Variants in PDE4D observed in about 807,000 individuals in gnomAD.
The protein encoded by PDE4D is 3',5'-cyclic-AMP phosphodiesterase 4D.
In PDE4D, 24 loss-of-function variants were observed where a neutral mutation model predicts 87.4. The ratio of observed to expected loss-of-function variants is 0.27; its 90% CI spans 0.20 to 0.39. PDE4D has a LOEUF of 0.39. Among genes scored for constraint, PDE4D ranks in the 10% least tolerant of loss-of-function variants. The pLI is 1.00. For missense variants in PDE4D, 714 were observed against 1,041.0 expected (o/e 0.69, Z 4.32); for synonymous variants, 384 against 383.2 (o/e 1.00, Z -0.02).
At chr5:60,033,393 T>C (rs919168787) in intron 2 of PDE4D, among the ~76,000 whole-genome samples, 2 of 152,132 alleles carry the variant, frequency 1.3e-5, no homozygotes, top group East Asian at 1.9e-4. Flanking sequence ...AAGACAATTG[T>C]TGATGGTTCA....
intron 1 of PDE4D, among the ~76,000 whole-genome samples, chr5:59,795,036 A>G (rs777133265): frequency 6.6e-6 from 1 of 152,176 alleles, no homozygotes; most frequent in African/African-American, 2.4e-5. Context: ...CCTCATCTGC[A>G]ATACCAGGAC....
chr5:59,948,506 C>T (rs1376974537), intron 3 of PDE4D, among the ~76,000 whole-genome samples: 1 of 152,112 alleles, frequency 6.6e-6, no homozygotes, highest in Non-Finnish European at 1.5e-5. Flanking sequence ...ATGATAATGG[C>T]TTGCTGTTCT....
intron 1 of PDE4D, among the ~76,000 whole-genome samples, chr5:59,219,173 A>T (rs138365025): frequency 6.7e-6 from 1 of 150,288 alleles, no homozygotes; most frequent in African/African-American, 2.5e-5. Flanking sequence ...GTGCACATGT[A>T]CCCTAAAACT....
intron 2 of PDE4D, among the ~76,000 whole-genome samples, chr5:60,183,545 T>G (rs1396997408): frequency 1.3e-5 from 2 of 152,182 alleles, no homozygotes; most frequent in South Asian, 2.1e-4. Context: ...AGGATGATCT[T>G]TTTTCTACCT....
chr5:59,400,500 G>A (rs1380540505), intron 1 of PDE4D, among the ~76,000 whole-genome samples: 12 of 142,930 alleles, frequency 8.4e-5, no homozygotes, highest in South Asian at 6.9e-4. Context: ...ACCAAACACC[G>A]CATATTCTCA....
At chr5:59,068,631 G>A (rs1271063157) in intron 5 of PDE4D, among the ~76,000 whole-genome samples, 2 of 152,142 alleles carry the variant, frequency 1.3e-5, no homozygotes, top group South Asian at 2.1e-4. Flanking sequence ...TCCTATTAAG[G>A]AATGAAGGCA....
At chr5:59,333,351 A>C (rs1338795745) in intron 1 of PDE4D, among the ~76,000 whole-genome samples, 1 of 152,014 alleles carries the variant, frequency 6.6e-6, no homozygotes. Context: ...GAGAAGGGGG[A>C]AGTTACATTA....
intron 5 of PDE4D, among the ~76,000 whole-genome samples, chr5:59,113,180 C>T (rs902420548): frequency 1.3e-5 from 2 of 152,144 alleles, no homozygotes; most frequent in African/African-American, 4.8e-5. Context: ...AGTGATACAA[C>T]AGATACAAGG....
chr5:59,262,706 G>C (rs548914704), intron 1 of PDE4D, among the ~76,000 whole-genome samples: 18 of 151,902 alleles, frequency 1.2e-4, no homozygotes, highest in Admixed American at 2.0e-4. Flanking sequence ...AATGAGGTTA[G>C]AGTGAGCCTG....
At chr5:59,789,448 C>A (rs751729174) in intron 1 of PDE4D, among the ~76,000 whole-genome samples, 1 of 152,164 alleles carries the variant, frequency 6.6e-6, no homozygotes, top group African/African-American at 2.4e-5. Context: ...AAGTGATGAG[C>A]CTGCGTGATG....
At chr5:60,473,348 T>G (rs1045662131) in intron 1 of PDE4D, among the ~76,000 whole-genome samples, 1 of 151,946 alleles carries the variant, frequency 6.6e-6, no homozygotes, top group Non-Finnish European at 1.5e-5. Context: ...CTGGTGAAAT[T>G]TGAATAAAGT....
At chr5:60,056,395 GCAGCAGTAGCAGGACAAT>G (rs1455500490) in intron 2 of PDE4D, among the ~76,000 whole-genome samples, 1 of 151,988 alleles carries the variant, frequency 6.6e-6, no homozygotes, top group Non-Finnish European at 1.5e-5. Flanking sequence ...AAGACGGGAA[GCAGCAGTAGCAGGACAAT>G]CTGTCAAAAA....
intron 1 of PDE4D, among the ~76,000 whole-genome samples, chr5:59,284,611 G>T (rs28372523): frequency 0.12 from 15,883 of 136,796 alleles, 1,005 homozygotes; most frequent in East Asian, 0.21. Context: ...TACACTGTTG[G>T]TGGGACTGTA....
rs148966506 is a variant in PDE4D, at chr5:59,064,454, A to G, written c.809-25483T>C. 6.0e-3 allele frequency among the ~76,000 whole-genome samples: 918 copies of G among 152,250 alleles called. 3 individuals are homozygous for G. Among genetic ancestry groups the G allele is most frequent in the Non-Finnish European group, 1.0e-2 (680 of 68,012 alleles). On this transcript the variant is annotated intron_variant, in intron 5 of 14. Transcript: ENST00000340635. ...GCTAGACTACATAGCCTCCTAAAAA[A>G]GCACGCAGCCCTGATGCTGGTCCTG... is the stretch of plus-strand genomic sequence containing the variant.
intron 1 of PDE4D, chr5:60,459,765 G>A (rs1266758422): frequency 4.3e-6 from 2 of 460,544 alleles, no homozygotes; most frequent in African/African-American, 2.0e-5. Context: ...CAGAGCACAA[G>A]AGGAAAAAGA....
chr5:59,305,587 T>G (rs1771170114), intron 1 of PDE4D, among the ~76,000 whole-genome samples: 1 of 152,272 alleles, frequency 6.6e-6, no homozygotes, highest in Middle Eastern at 3.4e-3. Context: ...CCAGAGGTTT[T>G]GATAAGTTGT....
intron 1 of PDE4D, among the ~76,000 whole-genome samples, chr5:59,722,524 C>A (rs1470558796): frequency 6.6e-6 from 1 of 152,120 alleles, no homozygotes; most frequent in Admixed American, 6.6e-5. Context: ...TTCTTTAATT[C>A]TTTCCATGTT....
At chr5:59,537,421 T>C (rs1436961575) in intron 1 of PDE4D, among the ~76,000 whole-genome samples, 1 of 152,264 alleles carries the variant, frequency 6.6e-6, no homozygotes, top group African/African-American at 2.4e-5. Flanking sequence ...AAATTATTCA[T>C]GCTTCCTAAC....
intron 1 of PDE4D, among the ~76,000 whole-genome samples, chr5:59,434,513 C>T (rs1796532433): frequency 6.6e-6 from 1 of 151,734 alleles, no homozygotes; most frequent in Non-Finnish European, 1.5e-5. Context: ...TGATTTTGAT[C>T]TCTACACTTA....
Sources: gnomAD v4.1 joint callset for allele counts (sites outside exome capture counted in the v4.1 genomes callset) on GRCh38, gnomAD v4.1.1 for gene constraint, MANE v1.5 for transcripts, NCBI Gene and HGNC (gene_info 2026-07-23, HGNC 2026-07-21) for gene names.